IL34: variants seen among roughly 807,000 people sequenced by gnomAD.
IL34 encodes interleukin 34.
In IL34, 17 loss-of-function variants were observed where a neutral mutation model predicts 25.3. The ratio of observed to expected loss-of-function variants is 0.67; its 90% CI spans 0.46 to 1.01. The LOEUF (loss-of-function observed/expected upper bound fraction) is 1.01. Among genes scored for constraint, IL34 ranks in the 50% least tolerant of loss-of-function variants. IL34 has a pLI of 0.00. For missense variants in IL34, 368 were observed against 312.9 expected (o/e 1.18, Z -1.33); for synonymous variants, 174 against 140.9 (o/e 1.23, Z -1.66).
At chr16:70,608,510 C>A (rs2051044848) in intron 1 of IL34, among the ~76,000 whole-genome samples, 1 of 152,166 alleles carries the variant, frequency 6.6e-6, no homozygotes, top group Non-Finnish European at 1.5e-5. Context: ...ATCTAGGTGC[C>A]CCCAGCACAT....
At chr16:70,645,385 C>G (rs142667745), upstream of IL34, among the ~76,000 whole-genome samples, 679 of 152,248 alleles carry the variant, frequency 4.5e-3, 7 homozygotes, top group African/African-American at 0.015. Context: ...CCAAGTCATA[C>G]CTGCTCTCCC....
chr16:70,623,285 G>T (rs1247792339), intron 1 of IL34, among the ~76,000 whole-genome samples: 1 of 152,026 alleles, frequency 6.6e-6, no homozygotes, highest in Non-Finnish European at 1.5e-5. Flanking sequence ...TTGAGATCCA[G>T]AACATAATAA....
chr16:70,580,562 C>T lies in IL34; in HGVS notation c.-401+513C>T, dbSNP rs535486367. Among the ~76,000 whole-genome samples the T allele has an allele frequency of 8.5e-5, 13 of 152,316 alleles. No individual in the cohort carries two copies. In the South Asian group the frequency reaches 2.5e-3, roughly 29 times the overall value. On this transcript the variant is annotated intron_variant, in intron 1 of 6. Coordinates refer to the IL34 transcript ENST00000429149. ...AGCACTCTGGGAGGCGAGCGGATCA[C>T]TTGAGGTCAGGAGTTTGAGACCAGC... is the stretch of plus-strand genomic sequence containing the variant.
At position 70,646,614 on chromosome 16, in the gene IL34, C is replaced by G. The variant is rs552325145; in HGVS notation, c.-334C>G. On this transcript the variant is annotated 5_prime_UTR_variant, in exon 1 of 6. Coordinates refer to ENST00000288098, the MANE Select transcript of IL34 (RefSeq NM_001393494.1). ...AGAAAGCGTCACCCAGCCCCAGATT[C>G]CGAGGGGCCTGCCAGGGACTCTCTC... The G allele has an allele frequency of 3.6e-5, 13 of 357,814 alleles. No homozygotes were observed. In the East Asian group the frequency reaches 4.5e-4, roughly 12 times the overall value. The allele number at this position is 357,814 out of a possible 1,614,324, so 22.2% of individuals were successfully genotyped here.
At chr16:70,616,285 C>T (rs1286831379) in intron 1 of IL34, among the ~76,000 whole-genome samples, 7 of 152,194 alleles carry the variant, frequency 4.6e-5, no homozygotes, top group African/African-American at 1.7e-4. Context: ...AAGGTTAATA[C>T]CAATTTGCAC....
upstream of IL34, among the ~76,000 whole-genome samples, chr16:70,644,977 A>C (rs1387260197): frequency 7.4e-6 from 1 of 135,056 alleles, no homozygotes; most frequent in Non-Finnish European, 1.6e-5. Flanking sequence ...AGGAAGAGAA[A>C]GGGAGTAGGA....
At chr16:70,606,695 C>T (rs759733695) in intron 1 of IL34, among the ~76,000 whole-genome samples, 1 of 152,072 alleles carries the variant, frequency 6.6e-6, no homozygotes, top group South Asian at 2.1e-4. Context: ...TTAATTGATC[C>T]TTCCACTTCA....
chr16:70,659,896 C>A, intron 5 of IL34, 101 bp from the exon 6 acceptor site: 2 of 1,475,600 alleles, frequency 1.4e-6, no homozygotes, highest in Non-Finnish European at 9.2e-7. Context: ...CCAGGATGGG[C>A]CCTGGGTAGA....
intron 1 of IL34, among the ~76,000 whole-genome samples, chr16:70,634,903 C>T (rs1475653556): frequency 9.8e-6 from 1 of 102,396 alleles, no homozygotes; most frequent in Non-Finnish European, 1.8e-5. Flanking sequence ...CATGTTGCTG[C>T]ACAGATCAGC....
At chr16:70,646,110 A>G (rs548411504), upstream of IL34, among the ~76,000 whole-genome samples, 3 of 151,844 alleles carry the variant, frequency 2.0e-5, no homozygotes, top group South Asian at 4.2e-4. Context: ...AGGTCTTACT[A>G]TGCTGACCAG....
chr16:70,614,851 ATCTTGTAGG>A (rs1567445126), intron 1 of IL34, among the ~76,000 whole-genome samples: 1 of 152,216 alleles, frequency 6.6e-6, no homozygotes, highest in African/African-American at 2.4e-5. Context: ...GCTGGGGTAG[ATCTTGTAGG>A]TCTTGCCCAA....
At chr16:70,653,839 C>G (rs1333234902) in intron 1 of IL34, among the ~76,000 whole-genome samples, 1 of 152,132 alleles carries the variant, frequency 6.6e-6, no homozygotes, top group African/African-American at 2.4e-5. Flanking sequence ...CGAATTCTCT[C>G]CTTTTTTTCT....
At chr16:70,599,305 C>CTTTCTTTCTTTCTTCT (rs1253810022) in intron 1 of IL34, among the ~76,000 whole-genome samples, 1 of 60,272 alleles carries the variant, frequency 1.7e-5, no homozygotes, top group East Asian at 3.4e-4. Context: ...TCTTTCTTTC[C>CTTTCTTTCTTTCTTCT]TTCTTTCTTT....
chr16:70,601,814 A>C (rs919302414), intron 1 of IL34, among the ~76,000 whole-genome samples: 2 of 152,234 alleles, frequency 1.3e-5, no homozygotes, highest in African/African-American at 2.4e-5. Context: ...GGGCCTTCTC[A>C]TGGCCCTGGC....
chr16:70,643,740 GA>G (rs2051841657), upstream of IL34, among the ~76,000 whole-genome samples: 1 of 152,124 alleles, frequency 6.6e-6, no homozygotes, highest in Non-Finnish European at 1.5e-5. Flanking sequence ...AAAGAAAAAA[GA>G]CTTAAGATGC....
chr16:70,657,055 C>T lies in IL34; in HGVS notation c.336C>T (p.Gly112=). ...CGGTGCAGGACGTGCTGCTCGAGGG[C>T]CACCCATCCTGGAAGTACCTGCAGG... The part of the protein sequence containing the change: ...TESVQDVLLE[G]HPSWKYLQEV... Residue 112 remains glycine (G), a synonymous_variant, in exon 4 of 6, where the codon GGC becomes GGT. Coordinates refer to ENST00000288098, the MANE Select transcript of IL34 (RefSeq NM_001393494.1). 1 of 1,612,926 alleles carries T rather than the reference C, an allele frequency of 6.2e-7. No homozygotes were observed. The highest frequency in any genetic ancestry group is 8.5e-7 in the Non-Finnish European group (1 of 1,179,956).
At chr16:70,642,133 C>A (rs2051798661), upstream of IL34, among the ~76,000 whole-genome samples, 1 of 152,070 alleles carries the variant, frequency 6.6e-6, no homozygotes, top group Admixed American at 6.6e-5. Context: ...GAGATCAGGG[C>A]ACCAGCATGA....
At chr16:70,608,555 G>A (rs1225064905) in intron 1 of IL34, among the ~76,000 whole-genome samples, 1 of 152,212 alleles carries the variant, frequency 6.6e-6, no homozygotes, top group Non-Finnish European at 1.5e-5. Flanking sequence ...CCCAGTTTTG[G>A]GCCTGGTCAT....
intron 1 of IL34, among the ~76,000 whole-genome samples, chr16:70,608,897 G>C (rs891070847): frequency 3.9e-5 from 6 of 152,112 alleles, no homozygotes; most frequent in Admixed American, 3.3e-4. Context: ...GCGGGGTGTG[G>C]GGGCGGGTGT....
Sources: gnomAD v4.1 joint callset for allele counts (sites outside exome capture counted in the v4.1 genomes callset) on GRCh38, gnomAD v4.1.1 for gene constraint, MANE v1.5 for transcripts, NCBI Gene and HGNC (gene_info 2026-07-23, HGNC 2026-07-21) for gene names.